Variants in WWTR1 observed in about 807,000 individuals in gnomAD.
WWTR1 encodes the protein WW domain-containing transcription regulator protein 1.
WWTR1 carries 13 observed loss-of-function variants against 40.1 expected under a neutral mutation model. The observed-to-expected ratio is 0.32, with a 90% CI of 0.21 to 0.52. The LOEUF (loss-of-function observed/expected upper bound fraction) is 0.52. Ranked by LOEUF, WWTR1 falls within the 20% of genes least tolerant of loss-of-function variation. WWTR1 has a pLI of 0.97. For missense variants in WWTR1, 436 were observed against 523.1 expected (o/e 0.83, Z 1.63); for synonymous variants, 230 against 210.1 (o/e 1.09, Z -0.82).
At chr3:149,605,827 G>A (rs1739456040) in intron 2 of WWTR1, among the ~76,000 whole-genome samples, 1 of 152,072 alleles carries the variant, frequency 6.6e-6, no homozygotes, top group African/African-American at 2.4e-5. Flanking sequence ...CTAATATCCT[G>A]TCCAATACCA....
At chr3:149,663,272 C>T (rs567012342) in intron 2 of WWTR1, among the ~76,000 whole-genome samples, 21 of 152,096 alleles carry the variant, frequency 1.4e-4, no homozygotes, top group African/African-American at 5.1e-4. Context: ...CCCACCTCAG[C>T]CTCCCAAAGT....
At chr3:149,687,501 C>G (rs1038132675) in intron 1 of WWTR1, among the ~76,000 whole-genome samples, 2 of 152,184 alleles carry the variant, frequency 1.3e-5, no homozygotes, top group African/African-American at 2.4e-5. Context: ...CAACCAATTA[C>G]AGTAGCTAAT....
chr3:149,573,015 A>G lies in WWTR1; in HGVS notation c.432-15T>C, dbSNP rs765590185. On this transcript the variant is annotated splice_polypyrimidine_tract_variant and intron_variant, in intron 2 of 6. Coordinates refer to ENST00000360632, the MANE Select transcript of WWTR1 (RefSeq NM_015472.6). Reference sequence around the variant, plus strand: ...TTTCTATGTGACTAAAAGAAGGAAAACAATTAATTATCTTTTTAATTGTCA... The same window carrying G: ...TTTCTATGTGACTAAAAGAAGGAAAGCAATTAATTATCTTTTTAATTGTCA... 4 of 1,579,630 alleles carry G rather than the reference A, an allele frequency of 2.5e-6. No individual in the cohort carries two copies. Among genetic ancestry groups the G allele is most frequent in the Non-Finnish European group, 3.4e-6 (4 of 1,168,862 alleles).
chr3:149,553,200 C>T (rs1468612983), intron 3 of WWTR1, among the ~76,000 whole-genome samples: 2 of 152,164 alleles, frequency 1.3e-5, no homozygotes, highest in African/African-American at 2.4e-5. Flanking sequence ...CTAGGAAACC[C>T]GGAACGCCTG....
intron 2 of WWTR1, among the ~76,000 whole-genome samples, chr3:149,606,336 C>T (rs1189444355): frequency 6.6e-6 from 1 of 152,158 alleles, no homozygotes; most frequent in African/African-American, 2.4e-5. Context: ...TGCTATATGC[C>T]CTGGGTTTCT....
intron 4 of WWTR1, among the ~76,000 whole-genome samples, chr3:149,719,196 T>A (rs2108236858): frequency 6.7e-6 from 1 of 150,302 alleles, no homozygotes; most frequent in Non-Finnish European, 1.5e-5. Flanking sequence ...TGAGACCGAG[T>A]CTCACTCTGT....
intron 4 of WWTR1, chr3:149,540,275 T>C (rs1421366313): frequency 6.6e-6 from 3 of 456,722 alleles, no homozygotes; most frequent in South Asian, 4.6e-5. Flanking sequence ...TTAAGGAACT[T>C]GGTTGGCATT....
intron 2 of WWTR1, among the ~76,000 whole-genome samples, chr3:149,579,666 A>G (rs1419871044): frequency 6.6e-6 from 1 of 152,144 alleles, no homozygotes; most frequent in Non-Finnish European, 1.5e-5. Context: ...AAAAAGAAAA[A>G]AAGCTGCCAA....
chr3:149,710,618 C>T (rs180777048), intron 5 of WWTR1, among the ~76,000 whole-genome samples: 4 of 114,890 alleles, frequency 3.5e-5, no homozygotes, highest in East Asian at 6.0e-4. Context: ...CTCGCTCTGT[C>T]GCCCAGGCTA....
At chr3:149,628,237 G>A (rs575618081) in intron 2 of WWTR1, among the ~76,000 whole-genome samples, 30 of 152,248 alleles carry the variant, frequency 2.0e-4, no homozygotes, top group Non-Finnish European at 3.8e-4. Context: ...GGGCGTGGTG[G>A]CGGGCGCCTG....
At chr3:149,693,212 A>G (rs1200097153) in intron 1 of WWTR1, among the ~76,000 whole-genome samples, 1 of 152,254 alleles carries the variant, frequency 6.6e-6, no homozygotes, top group African/African-American at 2.4e-5. Flanking sequence ...AAAGAAATCA[A>G]GATAATATCC....
At chr3:149,628,501 C>G (rs1290107100) in intron 2 of WWTR1, among the ~76,000 whole-genome samples, 3 of 152,208 alleles carry the variant, frequency 2.0e-5, no homozygotes, top group Non-Finnish European at 4.4e-5. Flanking sequence ...AATTTTGGCT[C>G]TTGGTATTGT....
At position 149,667,944 on chromosome 3, in the gene WWTR1, A is replaced by C. The variant is rs73000013; in HGVS notation, c.-4+1844T>G. ...TACCAAAGAAAAAGTGAATGAGAAGACCCTTGAGATCTACCTGTCACCTTC... is the reference window on the plus strand; with the variant it reads ...TACCAAAGAAAAAGTGAATGAGAAGCCCCTTGAGATCTACCTGTCACCTTC... On this transcript the variant is annotated intron_variant, in intron 2 of 7. Transcript: ENST00000465804. Among the ~76,000 whole-genome samples, 572 of 152,290 alleles carry C rather than the reference A, an allele frequency of 3.8e-3. 7 individuals are homozygous for C. The highest frequency in any genetic ancestry group is 0.013 in the African/African-American group (524 of 41,568).
At chr3:149,574,748 C>T (rs905425156) in intron 2 of WWTR1, among the ~76,000 whole-genome samples, 3 of 146,216 alleles carry the variant, frequency 2.1e-5, no homozygotes, top group Non-Finnish European at 4.5e-5. Flanking sequence ...CATTGCCTTG[C>T]GTGAAAACTT....
chr3:149,568,724 G>A (rs1396047018), intron 3 of WWTR1, among the ~76,000 whole-genome samples: 1 of 152,100 alleles, frequency 6.6e-6, no homozygotes, highest in Non-Finnish European at 1.5e-5. Context: ...AATATGGTTT[G>A]ATTTACAAGT....
intron 6 of WWTR1, 110 bp from the exon 7 acceptor site, chr3:149,521,099 T>C: frequency 8.1e-7 from 1 of 1,238,984 alleles, no homozygotes. Flanking sequence ...ACTACCACAT[T>C]ATTGACCCTT....
chr3:149,575,888 GACCGAGCTT>G, intron 2 of WWTR1: 1 of 442,152 alleles, frequency 2.3e-6, no homozygotes, highest in South Asian at 1.6e-5. Context: ...TGACAGTTCT[GACCGAGCTT>G]ACCCATGGCT....
At chr3:149,624,160 C>G (rs1740441869) in intron 2 of WWTR1, among the ~76,000 whole-genome samples, 1 of 152,106 alleles carries the variant, frequency 6.6e-6, no homozygotes, top group African/African-American at 2.4e-5. Context: ...CTGCTGAGCT[C>G]ACAGGAGGTC....
At chr3:149,562,070 G>C (rs1020181667) in intron 3 of WWTR1, among the ~76,000 whole-genome samples, 1 of 152,106 alleles carries the variant, frequency 6.6e-6, no homozygotes, top group Non-Finnish European at 1.5e-5. Flanking sequence ...CGAGGCGGGC[G>C]GATCACCTGA....
Sources: allele counts gnomAD v4.1 joint callset (sites outside exome capture counted in the v4.1 genomes callset), GRCh38; gene constraint gnomAD v4.1.1; transcripts MANE v1.5; gene names NCBI Gene and HGNC (gene_info 2026-07-23, HGNC 2026-07-21).